The following SPTAN1 variants were observed in gnomAD, a reference collection of about 807,000 sequenced individuals.
SPTAN1 encodes spectrin alpha chain, non-erythrocytic 1.
Under a neutral mutation model 331.3 loss-of-function variants are expected in SPTAN1, and 61 were observed. That is an observed-to-expected ratio of 0.18 (90% CI 0.15 to 0.23). The LOEUF (loss-of-function observed/expected upper bound fraction) is 0.23, where lower values mean the gene tolerates loss of function less well. SPTAN1 is among the 10% of genes least tolerant of loss of function. The pLI is 1.00. For missense variants in SPTAN1, 2,043 were observed against 3,147.9 expected, an observed-to-expected ratio of 0.65 and a Z score of 8.40; for synonymous variants, 1,153 against 1,173.9, an observed-to-expected ratio of 0.98 and a Z score of 0.36.
Position 128,597,325 on chromosome 9 carries a change from A to G in SPTAN1, c.3415-1075A>G, listed in dbSNP as rs1164733115. ...GGCCTCATCACATTTTTAAAACATT[A>G]TTTTAAAACCAAAAAGAGGTTTTAA... On this transcript the variant is annotated intron_variant, in intron 24 of 56. Coordinates refer to ENST00000372739, the MANE Select transcript of SPTAN1 (RefSeq NM_001130438.3). Among the ~76,000 whole-genome samples, 7 of 152,250 alleles carry G rather than the reference A, an allele frequency of 4.6e-5. No homozygotes were observed. In the East Asian group the frequency reaches 1.2e-3, roughly 25 times the overall value.
intron 3 of SPTAN1, among the ~76,000 whole-genome samples, chr9:128,570,950 C>G (rs995627925): frequency 6.6e-6 from 1 of 152,124 alleles, no homozygotes; most frequent in Non-Finnish European, 1.5e-5. Flanking sequence ...CATGAGCCGC[C>G]GCTCCTGGCC....
chr9:128,612,664 G>A (rs1856698150), intron 39 of SPTAN1, among the ~76,000 whole-genome samples: 2 of 152,312 alleles, frequency 1.3e-5, no homozygotes, highest in South Asian at 2.1e-4. Flanking sequence ...AGTGGCTCAC[G>A]CCTGTAATCC....
intron 51 of SPTAN1, 100 bp downstream of exon 51, chr9:128,628,042 C>A: frequency 6.9e-7 from 1 of 1,454,246 alleles, no homozygotes; most frequent in Non-Finnish European, 9.7e-7. Flanking sequence ...ATGGGCCTTC[C>A]TGCCCAGGGC....
Position 128,596,414 on chromosome 9 carries a change from C to G in SPTAN1, c.3415-1986C>G, listed in dbSNP as rs1420471773. 2.0e-5 allele frequency: 3 copies of G among 151,948 alleles called. 1 individual carries two copies. Among genetic ancestry groups the G allele is most frequent in the Admixed American group, 6.6e-5 (1 of 15,252 alleles). The allele number at this position is 151,948 out of a possible 1,614,324, so 9.4% of individuals were successfully genotyped here. Reference sequence around the variant, plus strand: ...GCCTCAGCCTCCCGAGTAGCTGGGACTACAGGCACCCGCCACCACGCCCGG... The same window carrying G: ...GCCTCAGCCTCCCGAGTAGCTGGGAGTACAGGCACCCGCCACCACGCCCGG... On this transcript the variant is annotated intron_variant, in intron 24 of 56. Coordinates refer to ENST00000372739, the MANE Select transcript of SPTAN1 (RefSeq NM_001130438.3).
intron 23 of SPTAN1, chr9:128,593,939 C>A: frequency 1.8e-6 from 1 of 542,218 alleles, no homozygotes; most frequent in Non-Finnish European, 3.4e-6. Context: ...ATAAGTGTGC[C>A]TGGCTGTTCT....
At chr9:128,575,118 A>G in intron 4 of SPTAN1, 81 bp from the exon 5 acceptor site, 1 of 1,579,136 alleles carries the variant, frequency 6.3e-7, no homozygotes, top group Non-Finnish European at 8.7e-7. Flanking sequence ...TCCGTCCCTA[A>G]TGTGTCTGTT....
Position 128,581,851 on chromosome 9 carries a change from G to C in SPTAN1, c.1531G>C (p.Asp511His). 6.2e-7 allele frequency: 1 copy of C among 1,614,122 alleles called. No individual in the cohort carries two copies. The highest frequency in any genetic ancestry group is 8.5e-7 in the Non-Finnish European group (1 of 1,179,986). The change falls in exon 12 of 57, where the codon GAC becomes CAC. Residue 511 changes from aspartate (D) to histidine (H), a missense_variant. Around this residue, in one of 12 missense-constraint regions of SPTAN1, gnomAD observed 1,038 missense variants for 1,531.5 expected, o/e 0.68. Transcript: ENST00000372739. ...GGAAGCGCTTCTTAAGAAGCACGAAGACTTTGAGAAATCCCTTAGTGCCCA... is the reference window on the plus strand; with the variant it reads ...GGAAGCGCTTCTTAAGAAGCACGAACACTTTGAGAAATCCCTTAGTGCCCA... ...SVEALLKKHE[D>H]FEKSLSAQEE...
intron 18 of SPTAN1, among the ~76,000 whole-genome samples, chr9:128,585,409 T>C (rs896317144): frequency 1.3e-5 from 2 of 152,002 alleles, no homozygotes; most frequent in Non-Finnish European, 2.9e-5. Flanking sequence ...TGAAACCAAG[T>C]AGGAAAAGAG....
chr9:128,569,819 C>T (rs2130874899), intron 3 of SPTAN1, among the ~76,000 whole-genome samples: 1 of 152,196 alleles, frequency 6.6e-6, no homozygotes, highest in South Asian at 2.1e-4. Flanking sequence ...ATCCAGTCTA[C>T]TCATTTTCAA....
In SPTAN1 at chr9:128,618,024, A is replaced by G; in HGVS notation, c.5516A>G (p.Asn1839Ser). The G allele has an allele frequency of 2.5e-6, 4 of 1,614,104 alleles. No individual in the cohort carries two copies. In the South Asian group the frequency reaches 3.3e-5, roughly 13 times the overall value. ...LDTGKKLSDD[N>S]TIGKEEIQQR... ...ACTGGCAAGAAGCTGTCCGATGACA[A>G]CACCATCGGGAAAGAGGAGATCCAG... is the stretch of plus-strand genomic sequence containing the variant. Residue 1839 changes from asparagine to serine, a missense_variant, in exon 43 of 57, where the codon AAC (asparagine) becomes AGC (serine). Asn to Ser is a conservative substitution (Grantham distance 46). Coordinates refer to ENST00000372739, the MANE Select transcript of SPTAN1 (RefSeq NM_001130438.3).
rs994028385 is a variant in SPTAN1 at position 128,620,726 on chromosome 9, A to G, written c.5734-432A>G. Among the ~76,000 whole-genome samples, 23 of 105,350 alleles carry G rather than the reference A, an allele frequency of 2.2e-4. 1 individual carries two copies. In the East Asian group the frequency reaches 2.8e-3, roughly 13 times the overall value. The allele number at this position is 105,350 out of a possible 152,430, so 69.1% of individuals were successfully genotyped here. A position where few individuals can be genotyped will look rare whatever the true frequency, so the allele number is the denominator to read the frequency against. ...GAGCAAGAACTCCGTCTCAAAAAGAAAAAAAAAAGACATGACTTGGAAGGC... is the reference window on the plus strand; with the variant it reads ...GAGCAAGAACTCCGTCTCAAAAAGAGAAAAAAAAGACATGACTTGGAAGGC... On this transcript the variant is annotated intron_variant, in intron 44 of 56. Coordinates refer to ENST00000372739, the MANE Select transcript of SPTAN1 (RefSeq NM_001130438.3).
chr9:128,562,190 C>T (rs1849454708), intron 1 of SPTAN1, among the ~76,000 whole-genome samples: 1 of 152,110 alleles, frequency 6.6e-6, no homozygotes, highest in Non-Finnish European at 1.5e-5. Flanking sequence ...ACAACCTCCG[C>T]CTCTCAGGTT....
chr9:128,570,361 A>G (rs1360849119), intron 3 of SPTAN1, among the ~76,000 whole-genome samples: 1 of 106,580 alleles, frequency 9.4e-6, no homozygotes, highest in Non-Finnish European at 1.8e-5. Context: ...TTTTGAGACG[A>G]AGTTTTGCTC....
chr9:128,582,855 G>A lies in SPTAN1; in HGVS notation c.1806+6G>A. On this transcript the variant is annotated splice_donor_region_variant and intron_variant, in intron 14 of 56. Coordinates refer to ENST00000372739, the MANE Select transcript of SPTAN1 (RefSeq NM_001130438.3). The stretch of plus-strand genomic sequence containing the variant: ...CCACAGATGAAGCTTATAAAGTAAT[G>A]TACTGTTAGTGTTGCCATGTAGCAC... 6.2e-7 allele frequency: 1 copy of A among 1,612,150 alleles called. No homozygotes were observed. The highest frequency in any genetic ancestry group is 2.2e-5 in the East Asian group (1 of 44,888).
Position 128,608,907 on chromosome 9 carries a change from G to A in SPTAN1, c.4525G>A (p.Asp1509Asn), listed in dbSNP as rs757714696. ...EKIAALQAFADQLIAAGHYAK... is the reference protein window; with the variant it reads ...EKIAALQAFANQLIAAGHYAK... ...GATTGCTGCTCTGCAGGCCTTTGCCGACCAGCTCATCGCTGCCGGCCATTA... is the reference window on the plus strand; with the variant it reads ...GATTGCTGCTCTGCAGGCCTTTGCCAACCAGCTCATCGCTGCCGGCCATTA... The change falls in exon 35 of 57, where the codon GAC (aspartate) becomes AAC (asparagine). Residue 1509 changes from aspartate to asparagine, a missense_variant. By Grantham distance (23) the Asp-to-Asn change is conservative (BLOSUM62 1). This residue lies in a region of SPTAN1 where 40 missense variants were observed against 32.6 expected (regional missense o/e 1.23). Transcript: ENST00000372739. The A allele has an allele frequency of 8.7e-6, 14 of 1,614,120 alleles. No homozygotes were observed. The highest frequency in any genetic ancestry group is 7.7e-5 in the South Asian group (7 of 91,028).
chr9:128,627,909 G>T lies in SPTAN1; in HGVS notation c.6690-16G>T. Reference sequence around the variant, plus strand: ...CACCACCTTGTCTCCCGGCTGCTTGGATCTGCTCTCCACAGGACATACCTC... The same window carrying T: ...CACCACCTTGTCTCCCGGCTGCTTGTATCTGCTCTCCACAGGACATACCTC... On this transcript the variant is annotated splice_polypyrimidine_tract_variant and intron_variant, in intron 50 of 56. Transcript: ENST00000372739. This position sits in a 1 kb window ranked among gnomAD's most constrained non-coding sequence, Gnocchi z 4.9. 6.2e-7 allele frequency: 1 copy of T among 1,614,124 alleles called. No individual in the cohort carries two copies. The highest frequency in any genetic ancestry group is 8.5e-7 in the Non-Finnish European group (1 of 1,180,030).
chr9:128,598,422 G>A lies in SPTAN1; in HGVS notation c.3437G>A (p.Arg1146Gln), dbSNP rs1854606025. 4 of 1,613,202 alleles carry A rather than the reference G, an allele frequency of 2.5e-6. No homozygotes were observed. Among genetic ancestry groups the A allele is most frequent in the Admixed American group, 1.7e-5 (1 of 59,942 alleles). ...FQKDLKANES[R>Q]LKDINKVAED... Reference sequence around the variant, plus strand: ...AAGGACCTGAAGGCCAATGAGTCACGGTTGAAGGACATTAACAAGGTAGCT... The same window carrying A: ...AAGGACCTGAAGGCCAATGAGTCACAGTTGAAGGACATTAACAAGGTAGCT... Residue 1146 changes from arginine to glutamine, a missense_variant, in exon 25 of 57, where the codon CGG becomes CAG. Arg to Gln is a conservative substitution (Grantham distance 43). Around this residue, in one of 12 missense-constraint regions of SPTAN1, gnomAD observed 1,038 missense variants for 1,531.5 expected, o/e 0.68. Transcript: ENST00000372739.
intron 1 of SPTAN1, chr9:128,555,349 A>C (rs1564173294): frequency 1.9e-5 from 24 of 1,288,494 alleles, no homozygotes; most frequent in Non-Finnish European, 2.4e-5. Flanking sequence ...CCCTCTTTAG[A>C]CTCCACATTC....
chr9:128,591,581 G>A lies in SPTAN1; in HGVS notation c.3111G>A (p.Glu1037=), dbSNP rs770928578. 6.2e-7 allele frequency: 1 copy of A among 1,614,212 alleles called. No homozygotes were observed. Among genetic ancestry groups the A allele is most frequent in the East Asian group, 2.2e-5 (1 of 44,880 alleles). ...AQSASRENLL[E]EQGSIALRQE... ...CAGCCTCCCGGGAGAATCTCCTGGA[G>A]GAGCAAGGCAGCATAGCACTGCGGC... The change falls in exon 22 of 57, where the codon GAG becomes GAA. Residue 1037 remains glutamate, a synonymous_variant. Coordinates refer to ENST00000372739, the MANE Select transcript of SPTAN1 (RefSeq NM_001130438.3).
Sources: gnomAD v4.1 joint callset for allele counts (sites outside exome capture counted in the v4.1 genomes callset) on GRCh38, gnomAD v4.1.1 for gene constraint, gnomAD v4.1.1 regional missense constraint, Gnocchi (gnomAD v3.1) non-coding constraint, MANE v1.5 for transcripts, NCBI Gene and HGNC (gene_info 2026-07-23, HGNC 2026-07-21) for gene names.